Variants in CDH8 observed in about 807,000 individuals in gnomAD.
CDH8 encodes the protein cadherin-8.
CDH8 carries 17 observed loss-of-function variants against 68.1 expected under a neutral mutation model. That is an observed-to-expected ratio of 0.25 (90% CI 0.17 to 0.37). The LOEUF is 0.37. Among genes scored for constraint, CDH8 ranks in the 10% least tolerant of loss-of-function variants. The pLI is 1.00. For missense variants in CDH8, 763 were observed against 999.3 expected (o/e 0.76, Z 3.19); for synonymous variants, 372 against 365.1 (o/e 1.02, Z -0.21).
chr16:61,801,704 C>T lies in CDH8; in HGVS notation c.1278-12222G>A, dbSNP rs539047492. Among the ~76,000 whole-genome samples, 22 of 152,170 alleles carry T rather than the reference C, an allele frequency of 1.4e-4. 1 individual carries two copies. The South Asian group carries it at 2.9e-3, about 20-fold the overall frequency. ...CTTTCCGAGTCAAAGAAAGGGGTGA[C>T]GGACGCACCTGGAAAATCGGGTCAC... On this transcript the variant is annotated intron_variant, in intron 7 of 11. Transcript: ENST00000577390.
intron 10 of CDH8, among the ~76,000 whole-genome samples, chr16:61,690,827 G>A (rs552234062): frequency 3.9e-5 from 6 of 152,094 alleles, no homozygotes; most frequent in East Asian, 1.9e-4. Flanking sequence ...TTAATCATAC[G>A]TGGGTGACTC....
intron 3 of CDH8, among the ~76,000 whole-genome samples, chr16:61,866,145 G>T (rs890954138): frequency 6.8e-4 from 103 of 152,048 alleles, no homozygotes; most frequent in Admixed American, 2.0e-3. Flanking sequence ...GATCACTTGA[G>T]CCCGGGAAGT....
intron 2 of CDH8, among the ~76,000 whole-genome samples, chr16:61,922,831 T>A (rs1037595488): frequency 5.3e-5 from 8 of 152,198 alleles, no homozygotes; most frequent in African/African-American, 1.9e-4. Flanking sequence ...ATAAATCACA[T>A]ACAAATTTAT....
rs776654458 is a variant in CDH8, at chr16:61,767,875, C to A, written c.1414+21471G>T. On this transcript the variant is annotated intron_variant, in intron 8 of 11. Transcript: ENST00000577390. ...CATATCGGTAAGGCAGAAGGTCTGC[C>A]TCAAAGCCTGGCTCCATCAATTATT... is the stretch of plus-strand genomic sequence containing the variant. Among the ~76,000 whole-genome samples, 130 of 151,988 alleles carry A rather than the reference C, an allele frequency of 8.6e-4. 1 individual carries two copies. The Middle Eastern group carries it at 0.014, about 16-fold the overall frequency.
intron 4 of CDH8, among the ~76,000 whole-genome samples, chr16:61,839,057 C>T (rs1962629620): frequency 6.6e-6 from 1 of 152,092 alleles, no homozygotes; most frequent in Admixed American, 6.6e-5. Context: ...AATTTTCTAA[C>T]TCTAATTCAA....
At position 61,736,112 on chromosome 16, in the gene CDH8, A is replaced by AAGGAAGGAAGG. The variant is rs1959673020; in HGVS notation, c.1415-8898_1415-8897insCCTTCCTTCCT. Among the ~76,000 whole-genome samples, 145 of 116,518 alleles carry AAGGAAGGAAGG rather than the reference A, an allele frequency of 1.2e-3. 1 individual carries two copies. The highest frequency in any genetic ancestry group is 4.8e-3 in the African/African-American group (130 of 27,196). 76.4% of individuals were successfully genotyped at this position (116,518 alleles called of 152,430 possible). A position where few individuals can be genotyped will look rare whatever the true frequency, so the allele number is the denominator to read the frequency against. ...ACAAGAAAGAAGGAAAGAAAGAAAG[A>AAGGAAGGAAGG]AAGGAAGGAAGGAAGGAAGGAAGGA... On this transcript the variant is annotated intron_variant, in intron 8 of 11. Transcript: ENST00000577390.
At position 61,653,143 on chromosome 16, in the gene CDH8, T is replaced by G; in HGVS notation, c.*465A>C. 8.1e-7 allele frequency: 1 copy of G among 1,236,604 alleles called. No individual in the cohort carries two copies. Among genetic ancestry groups the G allele is most frequent in the Non-Finnish European group, 1.0e-6 (1 of 991,088 alleles). The allele number at this position is 1,236,604 out of a possible 1,614,324, so 76.6% of individuals were successfully genotyped here. On this transcript the variant is annotated 3_prime_UTR_variant, in exon 12 of 12. Transcript: ENST00000577390. The stretch of plus-strand genomic sequence containing the variant: ...ATGTACAGCAGACCAAGTATTGCTT[T>G]ATCATTTGTGGCGGGATCCTTATTG...
chr16:61,740,878 A>G (rs1339689944), intron 8 of CDH8, among the ~76,000 whole-genome samples: 2 of 152,152 alleles, frequency 1.3e-5, no homozygotes, highest in East Asian at 1.9e-4. Flanking sequence ...ATGCAAAAAT[A>G]TATTAATTTC....
intron 7 of CDH8, among the ~76,000 whole-genome samples, chr16:61,808,518 C>T (rs570386602): frequency 6.6e-6 from 1 of 152,308 alleles, no homozygotes; most frequent in East Asian, 1.9e-4. Flanking sequence ...GCAGATTCAA[C>T]ATGGGTGCAT....
At chr16:61,766,880 C>T (rs938818929) in intron 8 of CDH8, among the ~76,000 whole-genome samples, 9 of 151,870 alleles carry the variant, frequency 5.9e-5, no homozygotes, top group African/African-American at 2.2e-4. Context: ...TGAAGAGGAG[C>T]TTCAGGCCAA....
chr16:61,647,695 T>G lies in CDH8; in HGVS notation c.*5913A>C, dbSNP rs575837645. On this transcript the variant is annotated 3_prime_UTR_variant, in exon 12 of 12. Transcript: ENST00000577390. ...AATTGTTAAAATTTTCCTCTTATTT[T>G]TGAGGAATCATAGGATGGCCTGAAG... is the stretch of plus-strand genomic sequence containing the variant. 2 of 640,600 alleles carry G rather than the reference T, an allele frequency of 3.1e-6. No individual in the cohort carries two copies. The highest frequency in any genetic ancestry group is 5.6e-6 in the Non-Finnish European group (2 of 358,946). The allele number at this position is 640,600 out of a possible 1,614,324, so 39.7% of individuals were successfully genotyped here.
chr16:61,698,532 C>A (rs1567428696), intron 10 of CDH8, among the ~76,000 whole-genome samples: 1 of 152,176 alleles, frequency 6.6e-6, no homozygotes, highest in Non-Finnish European at 1.5e-5. Flanking sequence ...TTCTCTGCAT[C>A]CTCCTTTTTT....
rs757394401 is a variant in CDH8 at position 61,653,737 on chromosome 16, G to T, written c.2271C>A (p.Gly757=). Residue 757 remains glycine, a synonymous_variant, in exon 12 of 12, where the codon GGC becomes GGA. Transcript: ENST00000577390. ...YGYEGRGSVA[G]SLSSLESTTS... Reference sequence around the variant, plus strand: ...TGGTGGACTCCAAGGAGCTGAGGGAGCCAGCCACTGACCCTCGGCCTTCAT... The same window carrying T: ...TGGTGGACTCCAAGGAGCTGAGGGATCCAGCCACTGACCCTCGGCCTTCAT... 1 of 1,613,868 alleles carries T rather than the reference G, an allele frequency of 6.2e-7. No individual in the cohort carries two copies. Among genetic ancestry groups the T allele is most frequent in the Non-Finnish European group, 8.5e-7 (1 of 1,179,980 alleles).
rs1172492556 is a variant in CDH8, at chr16:61,652,955, G to A, written c.*653C>T. The stretch of plus-strand genomic sequence containing the variant: ...TCTCCTCCCACCACTGAATTGGCAA[G>A]CCCCACCCTGGAATGGATTACGAAC... On this transcript the variant is annotated 3_prime_UTR_variant, in exon 12 of 12. Coordinates refer to ENST00000577390, the MANE Select transcript of CDH8 (RefSeq NM_001796.5). The A allele has an allele frequency of 1.3e-6, 2 of 1,521,498 alleles. No individual in the cohort carries two copies. The highest frequency in any genetic ancestry group is 1.8e-6 in the Non-Finnish European group (2 of 1,140,728). The allele number at this position is 1,521,498 out of a possible 1,614,324, so 94.2% of individuals were successfully genotyped here. A position where few individuals can be genotyped will look rare whatever the true frequency, so the allele number is the denominator to read the frequency against.
chr16:61,829,647 G>A (rs1962414409), intron 4 of CDH8, among the ~76,000 whole-genome samples: 1 of 151,832 alleles, frequency 6.6e-6, no homozygotes, highest in Non-Finnish European at 1.5e-5. Context: ...GCACCTCTGA[G>A]AATCTTTGCA....
intron 2 of CDH8, among the ~76,000 whole-genome samples, chr16:61,959,984 G>A (rs61264695): frequency 0.17 from 7,571 of 44,252 alleles, 853 homozygotes; most frequent in African/African-American, 0.27. Context: ...GTGTGTGTGT[G>A]TATATATATA....
intron 1 of CDH8, among the ~76,000 whole-genome samples, chr16:62,032,306 T>C (rs1902346204): frequency 6.6e-6 from 1 of 152,162 alleles, no homozygotes; most frequent in South Asian, 2.1e-4. Context: ...TCTGGGCACA[T>C]TTTCAAGAAG....
chr16:61,681,991 T>C (rs16963807), intron 10 of CDH8, among the ~76,000 whole-genome samples: 23,926 of 151,746 alleles, frequency 0.16, 2,047 homozygotes, highest in African/African-American at 0.21. Context: ...ATAATCTCTC[T>C]AAGTACAGAA....
At chr16:61,800,595 A>G (rs954013879) in intron 7 of CDH8, among the ~76,000 whole-genome samples, 4 of 152,266 alleles carry the variant, frequency 2.6e-5, no homozygotes, top group African/African-American at 9.6e-5. Flanking sequence ...GAAGGTGTGA[A>G]CCTCGGTAGA....
Sources: allele counts gnomAD v4.1 joint callset (sites outside exome capture counted in the v4.1 genomes callset), GRCh38; gene constraint gnomAD v4.1.1; transcripts MANE v1.5; gene names NCBI Gene and HGNC (gene_info 2026-07-23, HGNC 2026-07-21).